Variants in ANKRD45 observed in about 807,000 individuals in gnomAD.
ANKRD45 encodes ankyrin repeat domain-containing protein 45.
ANKRD45 carries 21 observed loss-of-function variants against 28.1 expected under a neutral mutation model. That is an observed-to-expected ratio of 0.75 (90% confidence interval 0.53 to 1.08). ANKRD45 has a LOEUF of 1.08. Among genes scored for constraint, ANKRD45 ranks in the 50% least tolerant of loss-of-function variants. The pLI is 0.00. For synonymous variants in ANKRD45, 86 were observed against 103.9 expected (o/e 0.83, Z 1.05); for missense variants, 261 against 308.7 (o/e 0.85, Z 1.16).
rs202133089 is a variant in ANKRD45 at position 173,618,284 on chromosome 1, TG to T, written c.730+6502del. ...CACCTCTCCAGCAAGGGCACAGAACTGAGGCCAAGATGGCTGAAATGACAGT... is the reference window on the plus strand; with the variant it reads ...CACCTCTCCAGCAAGGGCACAGAACTAGGCCAAGATGGCTGAAATGACAGT... On this transcript the variant is annotated intron_variant, in intron 5 of 5. Transcript: ENST00000333279. Among the ~76,000 whole-genome samples the T allele has an allele frequency of 1.1e-3, 171 of 152,324 alleles. 1 individual carries two copies. Among genetic ancestry groups the T allele is most frequent in the African/African-American group, 3.8e-3 (159 of 41,574 alleles).
chr1:173,690,915 G>A, the ANKRD45 span, among the ~76,000 whole-genome samples: 1 of 152,018 alleles, frequency 6.6e-6, no homozygotes, highest in African/African-American at 2.4e-5. Flanking sequence ...TTGGGGTGGG[G>A]CTCAATTTCC....
At chr1:173,706,660 C>A in the ANKRD45 span, among the ~76,000 whole-genome samples, 1 of 152,130 alleles carries the variant, frequency 6.6e-6, no homozygotes, top group African/African-American at 2.4e-5. Context: ...CTTTTTATAA[C>A]TGCATAGTCC....
the ANKRD45 span, among the ~76,000 whole-genome samples, chr1:173,698,725 C>T: frequency 6.6e-6 from 1 of 152,126 alleles, no homozygotes; most frequent in Non-Finnish European, 1.5e-5. Context: ...CAGGAATGAT[C>T]TGAAATCAAC....
At chr1:173,710,542 G>A in the ANKRD45 span, among the ~76,000 whole-genome samples, 2 of 152,122 alleles carry the variant, frequency 1.3e-5, no homozygotes, top group African/African-American at 4.8e-5. Context: ...GCCTGGGAGG[G>A]GAGCATGCAG....
intron 1 of ANKRD45, among the ~76,000 whole-genome samples, chr1:173,662,992 A>G (rs1240842498): frequency 6.6e-6 from 1 of 152,060 alleles, no homozygotes; most frequent in African/African-American, 2.4e-5. Context: ...TTCATTTTAC[A>G]GAAGAATTAC....
chr1:173,691,524 G>A, the ANKRD45 span, among the ~76,000 whole-genome samples: 2 of 152,200 alleles, frequency 1.3e-5, no homozygotes, highest in African/African-American at 4.8e-5. Flanking sequence ...GGTGGCTCAC[G>A]CCTGTAATCC....
chr1:173,624,492 G>GA (rs79337715), intron 5 of ANKRD45, among the ~76,000 whole-genome samples: 1,629 of 132,038 alleles, frequency 0.012, 30 homozygotes, highest in African/African-American at 0.033. Context: ...GCCTCCGGGG[G>GA]AAAAAAAAAA....
At chr1:173,676,498 A>G in the ANKRD45 span, among the ~76,000 whole-genome samples, 1 of 152,124 alleles carries the variant, frequency 6.6e-6, no homozygotes, top group Non-Finnish European at 1.5e-5. Flanking sequence ...CTTGATAGTC[A>G]TAAACATTTC....
the ANKRD45 span, among the ~76,000 whole-genome samples, chr1:173,697,360 T>A: frequency 1.3e-5 from 2 of 152,042 alleles, no homozygotes; most frequent in Non-Finnish European, 2.9e-5. Flanking sequence ...AGACACATAA[T>A]TGTCAGATTC....
At chr1:173,613,375 T>TGAG (rs1172132379) in intron 5 of ANKRD45, among the ~76,000 whole-genome samples, 3 of 147,162 alleles carry the variant, frequency 2.0e-5, no homozygotes, top group Non-Finnish European at 4.5e-5. Context: ...GTCTGAGAAG[T>TGAG]GAGGAGCCCC....
In ANKRD45 at chr1:173,608,870, G is replaced by A. The variant is rs1667030038; in HGVS notation, c.*1275C>T. On this transcript the variant is annotated 3_prime_UTR_variant, in exon 6 of 6. Transcript: ENST00000333279. Reference sequence around the variant, plus strand: ...GAGGGGAGGGGAGAGGAAGGGAGGGGAGGGGAGAGGAAGGGAGGGGAGGGG... The same window carrying A: ...GAGGGGAGGGGAGAGGAAGGGAGGGAAGGGGAGAGGAAGGGAGGGGAGGGG... 1.2e-5 allele frequency among the ~76,000 whole-genome samples: 1 copy of A among 85,850 alleles called. No homozygotes were observed. Among genetic ancestry groups the A allele is most frequent in the Non-Finnish European group, 2.0e-5 (1 of 48,864 alleles). 56.3% of individuals were successfully genotyped at this position (85,850 alleles called of 152,430 possible).
Position 173,609,954 on chromosome 1 carries a change from GC to G in ANKRD45, c.*190del, listed in dbSNP as rs1667071107. The stretch of plus-strand genomic sequence containing the variant: ...GCACGTGAAACTCACATGGGGCTGT[GC>G]TTGGAGGAGCAGAGGCGAGGCCAGA... On this transcript the variant is annotated 3_prime_UTR_variant, in exon 6 of 6. Transcript: ENST00000333279. The G allele has an allele frequency of 1.2e-5, 7 of 602,156 alleles. No individual in the cohort carries two copies. Among genetic ancestry groups the G allele is most frequent in the Non-Finnish European group, 2.1e-5 (7 of 340,838 alleles). The allele number at this position is 602,156 out of a possible 1,614,324, so 37.3% of individuals were successfully genotyped here.
At chr1:173,696,885 T>A in the ANKRD45 span, among the ~76,000 whole-genome samples, 7 of 152,120 alleles carry the variant, frequency 4.6e-5, no homozygotes, top group Admixed American at 2.0e-4. Flanking sequence ...AAGGAGCATG[T>A]TCAAACCCAC....
chr1:173,613,088 C>T (rs999128195), intron 5 of ANKRD45, among the ~76,000 whole-genome samples: 218 of 151,808 alleles, frequency 1.4e-3, no homozygotes, highest in Middle Eastern at 3.4e-3. Flanking sequence ...TGCTCGGCTG[C>T]CCAGTCTGGG....
At chr1:173,643,813 A>C (rs559462916) in intron 3 of ANKRD45, among the ~76,000 whole-genome samples, 13 of 152,336 alleles carry the variant, frequency 8.5e-5, no homozygotes, top group Admixed American at 4.6e-4. Flanking sequence ...CTTTTCAAAA[A>C]TAATACTTGA....
At chr1:173,669,589 T>G in intron 1 of ANKRD45, 1 of 429,548 alleles carries the variant, frequency 2.3e-6, no homozygotes, top group South Asian at 1.7e-5. Flanking sequence ...CAGAGTTTGC[T>G]CTTCGGCCTG....
chr1:173,699,104 C>T, the ANKRD45 span, among the ~76,000 whole-genome samples: 1 of 152,038 alleles, frequency 6.6e-6, no homozygotes, highest in African/African-American at 2.4e-5. Flanking sequence ...CACATACACC[C>T]TCCCTACACT....
chr1:173,696,731 C>G, the ANKRD45 span, among the ~76,000 whole-genome samples: 4 of 151,466 alleles, frequency 2.6e-5, no homozygotes, highest in African/African-American at 4.9e-5. Flanking sequence ...GTTCTTTTTG[C>G]TTAGGATTGC....
At chr1:173,666,642 A>G (rs1191772142) in intron 1 of ANKRD45, among the ~76,000 whole-genome samples, 1 of 152,174 alleles carries the variant, frequency 6.6e-6, no homozygotes, top group Non-Finnish European at 1.5e-5. Flanking sequence ...ACAACCATCC[A>G]TGTTTTTTCA....
Sources: gnomAD v4.1 joint callset for allele counts (sites outside exome capture counted in the v4.1 genomes callset) on GRCh38, gnomAD v4.1.1 for gene constraint, MANE v1.5 for transcripts, NCBI Gene and HGNC (gene_info 2026-07-23, HGNC 2026-07-21) for gene names.